The following CCDC7 variants were observed in gnomAD, a reference collection of about 807,000 sequenced individuals.
CCDC7 encodes coiled-coil domain containing 7.
In CCDC7, 183 loss-of-function variants were observed where a neutral mutation model predicts 196.9. The ratio of observed to expected loss-of-function variants is 0.93; its 90% CI spans 0.82 to 1.05. The LOEUF (loss-of-function observed/expected upper bound fraction) is 1.05. CCDC7 is among the 50% of genes least tolerant of loss of function. The pLI, the probability that CCDC7 is intolerant of heterozygous loss-of-function variation, is 0.00. For missense variants in CCDC7, 1,540 were observed against 1,482.2 expected, an observed-to-expected ratio of 1.04 and a Z score of -0.64; for synonymous variants, 525 against 484.6, an observed-to-expected ratio of 1.08 and a Z score of -1.10.
intron 21 of CCDC7, among the ~76,000 whole-genome samples, chr10:32,684,378 GT>G (rs1311422660): frequency 6.6e-6 from 1 of 152,170 alleles, no homozygotes; most frequent in Non-Finnish European, 1.5e-5. Context: ...GCCCCAGGGA[GT>G]AGGGTTGGGC....
intron 8 of CCDC7, among the ~76,000 whole-genome samples, chr10:32,474,315 C>T (rs1316876740): frequency 2.9e-5 from 4 of 139,094 alleles, no homozygotes; most frequent in Admixed American, 8.1e-5. Context: ...CCTCTGCCTC[C>T]TGGGTTCAAG....
intron 16 of CCDC7, among the ~76,000 whole-genome samples, chr10:32,575,924 G>A (rs2058135557): frequency 6.6e-6 from 1 of 152,156 alleles, no homozygotes; most frequent in South Asian, 2.1e-4. Context: ...AGATGAGGAT[G>A]TAGAACCAAC....
intron 14 of CCDC7, 104 bp downstream of exon 15, chr10:32,565,724 A>C (rs2056676108): frequency 1.6e-6 from 2 of 1,230,136 alleles, no homozygotes; most frequent in Admixed American, 2.6e-5. Flanking sequence ...AGAGGTCTAC[A>C]TATTCTACTA....
chr10:32,767,154 C>T (rs1178150780), intron 28 of CCDC7, among the ~76,000 whole-genome samples: 9 of 152,080 alleles, frequency 5.9e-5, no homozygotes, highest in Non-Finnish European at 1.3e-4. Flanking sequence ...AGCCAACACA[C>T]CTCCCACTGG....
intron 13 of CCDC7, among the ~76,000 whole-genome samples, chr10:32,559,531 T>A (rs112584213): frequency 1.5e-4 from 23 of 152,248 alleles, no homozygotes; most frequent in African/African-American, 5.5e-4. Context: ...TCCGCTGTTG[T>A]GCAGCCACTG....
intron 8 of CCDC7, among the ~76,000 whole-genome samples, chr10:32,488,879 C>G (rs1447988745): frequency 1.3e-5 from 2 of 152,144 alleles, no homozygotes; most frequent in African/African-American, 4.8e-5. Flanking sequence ...GTTGTGAGTA[C>G]ACTAGCTGGG....
chr10:32,677,350 A>G (rs943442785), intron 21 of CCDC7, among the ~76,000 whole-genome samples: 2 of 150,362 alleles, frequency 1.3e-5, no homozygotes, highest in South Asian at 2.1e-4. Context: ...ATGTATCCTA[A>G]AACTTAAAGT....
chr10:32,575,461 ATAGACT>A (rs2058086975), intron 16 of CCDC7, among the ~76,000 whole-genome samples: 1 of 152,172 alleles, frequency 6.6e-6, no homozygotes, highest in Non-Finnish European at 1.5e-5. Flanking sequence ...CCGTAGAGAA[ATAGACT>A]TAGATTAAGC....
intron 28 of CCDC7, among the ~76,000 whole-genome samples, chr10:32,732,576 T>C (rs12240273): frequency 0.11 from 16,036 of 152,228 alleles, 1,037 homozygotes; most frequent in South Asian, 0.25. Context: ...TTTTGTTCTA[T>C]GTTTCTAAAG....
intron 18 of CCDC7, among the ~76,000 whole-genome samples, chr10:32,631,221 AC>A (rs908330949): frequency 4.6e-5 from 7 of 152,190 alleles, no homozygotes; most frequent in Admixed American, 2.0e-4. Context: ...TATCCAAGAA[AC>A]CATTGCCTAA....
intron 13 of CCDC7, among the ~76,000 whole-genome samples, chr10:32,561,749 G>T (rs1208902617): frequency 1.0e-3 from 140 of 139,374 alleles, no homozygotes; most frequent in African/African-American, 1.4e-3. Flanking sequence ...AACTAGAAAA[G>T]CAAGAGCAAA....
At chr10:32,509,833 G>T (rs1028360795) in intron 9 of CCDC7, among the ~76,000 whole-genome samples, 4 of 152,094 alleles carry the variant, frequency 2.6e-5, no homozygotes, top group African/African-American at 9.7e-5. Flanking sequence ...AAATCACAAT[G>T]AAATAATACA....
rs201397501 is a variant in CCDC7 at position 32,678,189 on chromosome 10, TTA to T, written c.2123-7779_2123-7778del. ...CTGAGCTTGTTTAAGGCCATTATTTTTATGTCTTTTTCAGGGAGGTCATAGAT... is the reference window on the plus strand; with the variant it reads ...CTGAGCTTGTTTAAGGCCATTATTTTTGTCTTTTTCAGGGAGGTCATAGAT... On this transcript the variant is annotated intron_variant, in intron 21 of 41. Transcript: ENST00000639629. Among the ~76,000 whole-genome samples, 89 of 152,248 alleles carry T rather than the reference TTA, an allele frequency of 5.8e-4. No individual in the cohort carries two copies. The East Asian group carries it at 0.016, about 27-fold the overall frequency.
intron 13 of CCDC7, among the ~76,000 whole-genome samples, chr10:32,549,522 T>C (rs1396317665): frequency 2.0e-5 from 3 of 152,334 alleles, no homozygotes; most frequent in African/African-American, 7.2e-5. Flanking sequence ...TCCAATGTTA[T>C]CTTCTAGAAT....
intron 20 of CCDC7, among the ~76,000 whole-genome samples, chr10:32,653,101 T>C (rs1365945467): frequency 1.3e-5 from 2 of 152,230 alleles, no homozygotes; most frequent in Non-Finnish European, 2.9e-5. Context: ...TTCTTTTCCT[T>C]CAGCACTTTG....
At chr10:32,842,082 A>T (rs1464848898) in intron 33 of CCDC7, among the ~76,000 whole-genome samples, 1 of 152,128 alleles carries the variant, frequency 6.6e-6, no homozygotes, top group Non-Finnish European at 1.5e-5. Flanking sequence ...AATGCAACAA[A>T]AACAAAGATA....
At chr10:32,691,002 G>A (rs112954178) in intron 23 of CCDC7, among the ~76,000 whole-genome samples, 24 of 152,168 alleles carry the variant, frequency 1.6e-4, no homozygotes, top group African/African-American at 5.8e-4. Flanking sequence ...GAGGTTGTGG[G>A]GATCACAGCC....
chr10:32,625,327 T>G (rs560626911), intron 18 of CCDC7, among the ~76,000 whole-genome samples: 1 of 152,028 alleles, frequency 6.6e-6, no homozygotes, highest in East Asian at 1.9e-4. Flanking sequence ...TGCCTCGGTT[T>G]ATTACTGGGC....
chr10:32,854,866 G>T (rs996819706), intron 41 of CCDC7, among the ~76,000 whole-genome samples: 1 of 152,054 alleles, frequency 6.6e-6, no homozygotes, highest in African/African-American at 2.4e-5. Flanking sequence ...TACAAGCAAT[G>T]GTGCAATAAA....
Sources: allele counts gnomAD v4.1 joint callset (sites outside exome capture counted in the v4.1 genomes callset), GRCh38; gene constraint gnomAD v4.1.1; transcripts MANE v1.5; gene names NCBI Gene and HGNC (gene_info 2026-07-23, HGNC 2026-07-21).